TBC1D9: variants seen among roughly 807,000 people sequenced by gnomAD.
TBC1D9 encodes the protein TBC1 domain family member 9, also known as TBC1 domain family member 9A.
Under a neutral mutation model 132.0 loss-of-function variants are expected in TBC1D9, and 63 were observed. The ratio of observed to expected loss-of-function variants is 0.48; its 90% CI spans 0.39 to 0.59. The LOEUF is 0.59. Among genes scored for constraint, TBC1D9 ranks in the 20% least tolerant of loss-of-function variants. TBC1D9 has a pLI of 0.00. For missense variants in TBC1D9, 1,261 were observed against 1,592.7 expected (o/e 0.79, Z 3.54); for synonymous variants, 610 against 609.9 (o/e 1.00, Z 0.00).
rs189792928 is a variant in TBC1D9 at position 140,692,677 on chromosome 4, C to T, written c.242-6215G>A. On this transcript the variant is annotated intron_variant, in intron 2 of 20. Coordinates refer to ENST00000442267, the MANE Select transcript of TBC1D9 (RefSeq NM_015130.3). The stretch of plus-strand genomic sequence containing the variant: ...GTTAAGTAAGATGATAATGATAATG[C>T]CTTCTATTATTTGTGCTTACCAAGA... Among the ~76,000 whole-genome samples, 483 of 152,188 alleles carry T rather than the reference C, an allele frequency of 3.2e-3. 5 individuals carry two copies. The highest frequency in any genetic ancestry group is 0.011 in the African/African-American group (456 of 41,512).
rs1737494951 is a variant in TBC1D9 at position 140,669,109 on chromosome 4, G to A, written c.1438-42C>T. The A allele has an allele frequency of 2.5e-6, 4 of 1,598,968 alleles. No individual in the cohort carries two copies. The East Asian group carries it at 6.7e-5, about 27-fold the overall frequency. ...AACATTATGACATCCAAAGTACCCT[G>A]AGGATGGTAAGAGAAGAGTGATGGA... is the stretch of plus-strand genomic sequence containing the variant. On this transcript the variant is annotated intron_variant, in intron 8 of 20. Coordinates refer to ENST00000442267, the MANE Select transcript of TBC1D9 (RefSeq NM_015130.3).
At chr4:140,754,957 C>G (rs893799739) in intron 1 of TBC1D9, among the ~76,000 whole-genome samples, 6 of 152,072 alleles carry the variant, frequency 3.9e-5, no homozygotes, top group African/African-American at 1.4e-4. Flanking sequence ...AACAATTTAC[C>G]TATTGTGCAA....
chr4:140,720,318 T>C (rs1211037906), intron 1 of TBC1D9, among the ~76,000 whole-genome samples: 1 of 152,180 alleles, frequency 6.6e-6, no homozygotes, highest in Non-Finnish European at 1.5e-5. Flanking sequence ...CATGTGTTGT[T>C]GTATAAAAAC....
chr4:140,713,147 A>C (rs1738276934), intron 1 of TBC1D9, among the ~76,000 whole-genome samples: 1 of 152,164 alleles, frequency 6.6e-6, no homozygotes, highest in Non-Finnish European at 1.5e-5. Context: ...TACGTTGCCC[A>C]GGCTGGTCTA....
At chr4:140,721,850 C>T (rs1738428027) in intron 1 of TBC1D9, among the ~76,000 whole-genome samples, 1 of 152,242 alleles carries the variant, frequency 6.6e-6, no homozygotes, top group African/African-American at 2.4e-5. Context: ...TGATAACTTG[C>T]CCAACACCTC....
chr4:140,633,382 G>A (rs1560866797), intron 16 of TBC1D9, among the ~76,000 whole-genome samples: 2 of 152,144 alleles, frequency 1.3e-5, no homozygotes, highest in African/African-American at 2.4e-5. Context: ...AACCAGACAG[G>A]GAGCTGGTAG....
At position 140,668,896 on chromosome 4, in the gene TBC1D9, T is replaced by C. The variant is rs751137530; in HGVS notation, c.1588+21A>G. ...AGTCCCACAGACTTTGACGCCAGCA[T>C]TCCCAGCCCAGCGGCCGTACCTGAC... On this transcript the variant is annotated intron_variant, in intron 9 of 20. Transcript: ENST00000442267. 14 of 1,612,402 alleles carry C rather than the reference T, an allele frequency of 8.7e-6. No individual in the cohort carries two copies. In the Admixed American group the frequency reaches 2.3e-4, roughly 27 times the overall value.
chr4:140,726,000 G>C (rs1738496184), intron 1 of TBC1D9, among the ~76,000 whole-genome samples: 1 of 152,070 alleles, frequency 6.6e-6, no homozygotes, highest in Non-Finnish European at 1.5e-5. Flanking sequence ...AGGCACAGTG[G>C]CTCATGCCTA....
chr4:140,640,703 GA>G (rs1736973806), intron 13 of TBC1D9, among the ~76,000 whole-genome samples: 1 of 152,202 alleles, frequency 6.6e-6, no homozygotes, highest in South Asian at 2.1e-4. Flanking sequence ...AAAGGATAAA[GA>G]AAAAGCTGAC....
chr4:140,702,484 G>A (rs1180387435), intron 1 of TBC1D9, among the ~76,000 whole-genome samples: 2 of 152,216 alleles, frequency 1.3e-5, no homozygotes, highest in Non-Finnish European at 2.9e-5. Flanking sequence ...CCTCTAAGGT[G>A]AAGTCTGCCC....
intron 13 of TBC1D9, among the ~76,000 whole-genome samples, chr4:140,652,610 T>C (rs1467770508): frequency 6.6e-6 from 1 of 152,236 alleles, no homozygotes; most frequent in Non-Finnish European, 1.5e-5. Context: ...CCTTGGATAC[T>C]GGCTGCCACT....
chr4:140,710,837 C>G (rs1478688272), intron 1 of TBC1D9, among the ~76,000 whole-genome samples: 4 of 152,142 alleles, frequency 2.6e-5, no homozygotes, highest in Non-Finnish European at 5.9e-5. Context: ...GGGCCCAGTG[C>G]AAAAAGAATA....
chr4:140,694,029 T>C (rs993062660), intron 2 of TBC1D9, among the ~76,000 whole-genome samples: 1 of 152,214 alleles, frequency 6.6e-6, no homozygotes, highest in Non-Finnish European at 1.5e-5. Flanking sequence ...ACATATTAAT[T>C]ACATGCATAT....
intron 1 of TBC1D9, among the ~76,000 whole-genome samples, chr4:140,752,417 A>G (rs1409803533): frequency 6.6e-6 from 1 of 152,208 alleles, no homozygotes; most frequent in African/African-American, 2.4e-5. Context: ...TGGAAAAACT[A>G]CAAAGAAAAT....
intron 16 of TBC1D9, among the ~76,000 whole-genome samples, chr4:140,632,355 G>A (rs1007792873): frequency 6.6e-6 from 1 of 151,814 alleles, no homozygotes; most frequent in South Asian, 2.1e-4. Context: ...CGTCAAAGGG[G>A]TCTTTAGTGT....
At chr4:140,667,512 T>C (rs776178509) in intron 9 of TBC1D9, among the ~76,000 whole-genome samples, 18 of 152,234 alleles carry the variant, frequency 1.2e-4, no homozygotes, top group Admixed American at 3.9e-4. Context: ...AAGAAAAGAC[T>C]GGATGGTAAT....
In TBC1D9 at chr4:140,670,703, A is replaced by G; in HGVS notation, c.1266+17T>C. On this transcript the variant is annotated intron_variant, in intron 7 of 20. Coordinates refer to ENST00000442267, the MANE Select transcript of TBC1D9 (RefSeq NM_015130.3). ...AACAGGATAAACCAAAAATACTTTC[A>G]GGTGTCTCCCACAGACCTCATCATC... is the stretch of plus-strand genomic sequence containing the variant. 1 of 1,608,820 alleles carries G rather than the reference A, an allele frequency of 6.2e-7. No individual in the cohort carries two copies. The highest frequency in any genetic ancestry group is 1.7e-5 in the Admixed American group (1 of 60,026).
At chr4:140,668,813 T>C (rs535705654) in intron 9 of TBC1D9, 104 bp downstream of exon 9, 2 of 1,155,372 alleles carry the variant, frequency 1.7e-6, no homozygotes, top group African/African-American at 1.5e-5. Flanking sequence ...AACTGGGGGA[T>C]GCATATTTGA....
intron 15 of TBC1D9, among the ~76,000 whole-genome samples, chr4:140,635,840 G>C (rs771652204): frequency 1.3e-5 from 2 of 152,178 alleles, no homozygotes; most frequent in Non-Finnish European, 2.9e-5. Context: ...GGGTGGAGGC[G>C]GGTGTGTCAG....
Sources: allele counts gnomAD v4.1 joint callset (sites outside exome capture counted in the v4.1 genomes callset), GRCh38; gene constraint gnomAD v4.1.1; transcripts MANE v1.5; gene names NCBI Gene and HGNC (gene_info 2026-07-23, HGNC 2026-07-21).